Variants in AP2A2 observed in about 807,000 individuals in gnomAD.
The protein encoded by AP2A2 is adaptor related protein complex 2 subunit alpha 2, also known as AP-2 complex subunit alpha-2.
A neutral mutation model predicts 104.2 loss-of-function variants in AP2A2; 32 were observed. The observed-to-expected ratio is 0.31, with a 90% CI of 0.23 to 0.41. The LOEUF (loss-of-function observed/expected upper bound fraction) is 0.41. AP2A2 is among the 10% of genes least tolerant of loss of function. The pLI is 1.00. For synonymous variants in AP2A2, 539 were observed against 533.3 expected, an observed-to-expected ratio of 1.01 and a Z score of -0.15; for missense variants, 912 against 1,261.0, an observed-to-expected ratio of 0.72 and a Z score of 4.19.
chr11:953,561 G>T (rs2134536699), intron 1 of AP2A2, among the ~76,000 whole-genome samples: 1 of 150,384 alleles, frequency 6.6e-6, no homozygotes, highest in South Asian at 2.1e-4. Flanking sequence ...CCCCCCCATT[G>T]TCTTCACACA....
intron 6 of AP2A2, among the ~76,000 whole-genome samples, chr11:983,589 T>C (rs181854255): frequency 3.6e-3 from 552 of 151,960 alleles, no homozygotes; most frequent in Middle Eastern, 0.014. Context: ...TTCACTGTGT[T>C]AGCCAGGATG....
chr11:999,328 A>G (rs954229603), intron 14 of AP2A2, among the ~76,000 whole-genome samples: 1 of 152,152 alleles, frequency 6.6e-6, no homozygotes, highest in Non-Finnish European at 1.5e-5. Flanking sequence ...CCTGGCCAAC[A>G]TGGTGAAACC....
chr11:948,878 A>G (rs1370375384), intron 1 of AP2A2, among the ~76,000 whole-genome samples: 1 of 152,138 alleles, frequency 6.6e-6, no homozygotes, highest in African/African-American at 2.4e-5. Context: ...AGGAAAACCC[A>G]AAAACTGAAA....
At position 1,011,471 on chromosome 11, in the gene AP2A2, C is replaced by T. The variant is rs1177584996; in HGVS notation, c.*846C>T. ...TTCCACCGGCCCCGTCCAGTCGTCCCTGGAGGGGCTGTGGAGGAGGGACGC... is the reference window on the plus strand; with the variant it reads ...TTCCACCGGCCCCGTCCAGTCGTCCTTGGAGGGGCTGTGGAGGAGGGACGC... On this transcript the variant is annotated 3_prime_UTR_variant, in exon 22 of 22. Transcript: ENST00000448903. 8 of 497,648 alleles carry T rather than the reference C, an allele frequency of 1.6e-5. No individual in the cohort carries two copies. The highest frequency in any genetic ancestry group is 2.8e-5 in the Non-Finnish European group (7 of 249,572). 30.8% of individuals were successfully genotyped at this position (497,648 alleles called of 1,614,324 possible).
At chr11:983,468 C>T (rs1035140788) in intron 6 of AP2A2, among the ~76,000 whole-genome samples, 32 of 151,992 alleles carry the variant, frequency 2.1e-4, no homozygotes, top group Middle Eastern at 3.4e-3. Flanking sequence ...CTACAAGCTC[C>T]GCCTCCTGGG....
intron 3 of AP2A2, among the ~76,000 whole-genome samples, chr11:970,990 G>A (rs1854809132): frequency 6.6e-6 from 1 of 152,198 alleles, no homozygotes; most frequent in South Asian, 2.1e-4. Flanking sequence ...GTTTTCCCTG[G>A]TGGTATAAAG....
chr11:951,955 C>T (rs1854068193), intron 1 of AP2A2, among the ~76,000 whole-genome samples: 2 of 127,564 alleles, frequency 1.6e-5, no homozygotes, highest in Admixed American at 9.3e-5. Flanking sequence ...GGAGTGTTGA[C>T]TTCCTGGGCT....
chr11:958,857 G>C (rs935286176), intron 1 of AP2A2, among the ~76,000 whole-genome samples: 2 of 152,186 alleles, frequency 1.3e-5, no homozygotes, highest in Non-Finnish European at 2.9e-5. Flanking sequence ...CCATACGGCA[G>C]GGGAGGCAGG....
Position 1,010,548 on chromosome 11 carries a change from A to G in AP2A2, c.2743A>G (p.Met915Val). ...LRLEPNLQAQ[M>V]YRLTLRTSKE... ...TGACCTGCTGTGCTCTCTGTTTCAG[A>G]TGTACCGGCTCACGCTGCGCACAAG... is the stretch of plus-strand genomic sequence containing the variant. Residue 915 changes from methionine to valine, a missense_variant and splice_region_variant, in exon 22 of 22, where the codon ATG becomes GTG. Met to Val is a conservative substitution (Grantham distance 21). This residue lies in a region of AP2A2 where 239 missense variants were observed against 329.8 expected (regional missense o/e 0.72). Coordinates refer to ENST00000448903, the MANE Select transcript of AP2A2 (RefSeq NM_012305.4). 6.3e-7 allele frequency: 1 copy of G among 1,588,028 alleles called. No homozygotes were observed. Among genetic ancestry groups the G allele is most frequent in the East Asian group, 2.3e-5 (1 of 43,856 alleles).
intron 2 of AP2A2, among the ~76,000 whole-genome samples, chr11:961,514 C>T (rs1854435602): frequency 1.4e-5 from 2 of 143,382 alleles, no homozygotes; most frequent in East Asian, 2.1e-4. Flanking sequence ...GTGGGTCTGA[C>T]AGTCGCCACC....
chr11:988,558 C>T lies in AP2A2; in HGVS notation c.1138C>T (p.Arg380Trp), dbSNP rs1343159163. 14 of 1,611,000 alleles carry T rather than the reference C, an allele frequency of 8.7e-6. No individual in the cohort carries two copies. Among genetic ancestry groups the T allele is most frequent in the Non-Finnish European group, 1.2e-5 (14 of 1,179,778 alleles). Residue 380 changes from arginine to tryptophan, a missense_variant, in exon 10 of 22, where the codon CGG becomes TGG. Physicochemically the swap from Arg to Trp is moderately radical, Grantham distance 101. Around this residue, in one of 7 missense-constraint regions of AP2A2, gnomAD observed 350 missense variants for 487.0 expected, o/e 0.72. Coordinates refer to ENST00000448903, the MANE Select transcript of AP2A2 (RefSeq NM_012305.4). ...ETVINALKTE[R>W]DVSVRQRAVD... The stretch of plus-strand genomic sequence containing the variant: ...TCTGTGCCTTGTTCCCCAGACTGAG[C>T]GGGACGTGAGCGTGCGGCAGCGGGC...
At chr11:962,651 T>C (rs1589970474) in intron 2 of AP2A2, among the ~76,000 whole-genome samples, 1 of 152,158 alleles carries the variant, frequency 6.6e-6, no homozygotes, top group East Asian at 1.9e-4. Context: ...GAGAATCGCT[T>C]GAACTGGGAA....
At chr11:974,198 G>A (rs1854935162) in intron 4 of AP2A2, among the ~76,000 whole-genome samples, 1 of 151,428 alleles carries the variant, frequency 6.6e-6, no homozygotes, top group Non-Finnish European at 1.5e-5. Context: ...TGGGTGGCCC[G>A]TGTTCTGGTG....
At position 1,010,887 on chromosome 11, in the gene AP2A2, T is replaced by C. The variant is rs1232223933; in HGVS notation, c.*262T>C. The C allele has an allele frequency of 3.1e-6, 2 of 647,906 alleles. No individual in the cohort carries two copies. Among genetic ancestry groups the C allele is most frequent in the Admixed American group, 4.7e-5 (2 of 42,266 alleles). 40.1% of individuals were successfully genotyped at this position (647,906 alleles called of 1,614,324 possible). A position where few individuals can be genotyped will look rare whatever the true frequency, so the allele number is the denominator to read the frequency against. On this transcript the variant is annotated 3_prime_UTR_variant, in exon 22 of 22. Transcript: ENST00000448903. ...ATTTTTATAAAAATCGAGACAGTTC[T>C]GTGGTTAAATCTACAAATTAAAGGG...
At chr11:962,024 G>A (rs1319530249) in intron 2 of AP2A2, among the ~76,000 whole-genome samples, 2 of 152,188 alleles carry the variant, frequency 1.3e-5, no homozygotes, top group Non-Finnish European at 2.9e-5. Flanking sequence ...TGGAGATGTG[G>A]GTCTGACAGT....
chr11:992,666 CG>C lies in AP2A2; in HGVS notation c.1435del (p.Ala479ProfsTer31). On this transcript the variant is annotated frameshift_variant, in exon 11 of 22. Coordinates refer to ENST00000448903, the MANE Select transcript of AP2A2 (RefSeq NM_012305.4). LOFTEE classifies it high-confidence loss of function. This position sits in a 1 kb window ranked among gnomAD's most constrained non-coding sequence, Gnocchi z 6.4. Reference sequence around the variant, plus strand: ...AACCGGGACGACGTGCAGGGCTACGCGGCCAAGACTGTGTTCGAGGTATGGC... The same window carrying C: ...AACCGGGACGACGTGCAGGGCTACGCGCCAAGACTGTGTTCGAGGTATGGC... ...VINRDDVQGY[A>X]AKTVFEALQA... The C allele has an allele frequency of 6.2e-7, 1 of 1,613,872 alleles. No homozygotes were observed. Among genetic ancestry groups the C allele is most frequent in the Non-Finnish European group, 8.5e-7 (1 of 1,179,880 alleles).
chr11:929,211 G>C (rs1039500639), intron 1 of AP2A2, among the ~76,000 whole-genome samples: 2 of 152,218 alleles, frequency 1.3e-5, no homozygotes, highest in African/African-American at 4.8e-5. Context: ...CACAGGCAGA[G>C]GGGTCCCCGC....
At chr11:988,946 G>A in intron 10 of AP2A2, 1 of 519,604 alleles carries the variant, frequency 1.9e-6, no homozygotes, top group South Asian at 2.1e-5. Flanking sequence ...AGTGAGTCGA[G>A]ATCATGTCAC....
At position 925,929 on chromosome 11, in the gene AP2A2, C is replaced by A. The variant is rs1441401157; in HGVS notation, c.-93C>A. ...TTAGGCGGCTCCCCGGCGGCTCCTCCGCGGCGGTGACGGCGACCGCACTCC... is the reference window on the plus strand; with the variant it reads ...TTAGGCGGCTCCCCGGCGGCTCCTCAGCGGCGGTGACGGCGACCGCACTCC... On this transcript the variant is annotated 5_prime_UTR_variant, in exon 1 of 22. Coordinates refer to ENST00000448903, the MANE Select transcript of AP2A2 (RefSeq NM_012305.4). 4.7e-5 allele frequency: 48 copies of A among 1,017,540 alleles called. No homozygotes were observed. The highest frequency in any genetic ancestry group is 6.0e-5 in the Non-Finnish European group (46 of 766,462). The allele number at this position is 1,017,540 out of a possible 1,614,324, so 63.0% of individuals were successfully genotyped here.
Sources: allele counts gnomAD v4.1 joint callset (sites outside exome capture counted in the v4.1 genomes callset), GRCh38; gene constraint gnomAD v4.1.1; regional missense constraint gnomAD v4.1.1; non-coding constraint Gnocchi (gnomAD v3.1); transcripts MANE v1.5; gene names NCBI Gene and HGNC (gene_info 2026-07-23, HGNC 2026-07-21).